The following ERBB4 variants were observed in gnomAD, a reference collection of about 807,000 sequenced individuals.
ERBB4 encodes the protein erb-b2 receptor tyrosine kinase 4.
In ERBB4, 42 loss-of-function variants were observed where a neutral mutation model predicts 158.0. The observed-to-expected ratio is 0.27, with a 90% CI of 0.21 to 0.34. The LOEUF (loss-of-function observed/expected upper bound fraction) is 0.34. ERBB4 is among the 10% of genes least tolerant of loss of function. The pLI, the probability that ERBB4 is intolerant of heterozygous loss-of-function variation, is 1.00. For synonymous variants in ERBB4, 583 were observed against 558.7 expected (o/e 1.04, Z -0.61); for missense variants, 1,333 against 1,624.1 (o/e 0.82, Z 3.08).
chr2:211,615,495 G>C (rs983599131), intron 19 of ERBB4, among the ~76,000 whole-genome samples: 1 of 152,026 alleles, frequency 6.6e-6, no homozygotes, highest in Non-Finnish European at 1.5e-5. Flanking sequence ...CTTTCTTTAT[G>C]GGAATGAAGA....
chr2:212,504,664 G>A (rs1038569096), intron 1 of ERBB4, among the ~76,000 whole-genome samples: 2 of 152,030 alleles, frequency 1.3e-5, no homozygotes, highest in Non-Finnish European at 2.9e-5. Context: ...GAACCATAAC[G>A]TATAGAATGG....
chr2:212,266,238 A>G (rs1341787974), intron 1 of ERBB4, among the ~76,000 whole-genome samples: 1 of 151,942 alleles, frequency 6.6e-6, no homozygotes, highest in Non-Finnish European at 1.5e-5. Context: ...TAGATATTAA[A>G]TAATTTTTTT....
chr2:211,615,446 C>T (rs536932928), intron 19 of ERBB4, among the ~76,000 whole-genome samples: 10 of 151,884 alleles, frequency 6.6e-5, no homozygotes, highest in African/African-American at 2.2e-4. Flanking sequence ...TATGAAGGTG[C>T]GCCTTTAGAG....
At chr2:211,460,929 C>G (rs2064513625) in intron 20 of ERBB4, among the ~76,000 whole-genome samples, 1 of 152,016 alleles carries the variant, frequency 6.6e-6, no homozygotes, top group African/African-American at 2.4e-5. Flanking sequence ...TCTTCCTTAG[C>G]CAGGTATATT....
chr2:211,689,911 C>T (rs918918032), intron 12 of ERBB4, among the ~76,000 whole-genome samples: 2 of 151,480 alleles, frequency 1.3e-5, no homozygotes, highest in African/African-American at 4.8e-5. Context: ...TACGGTGTCA[C>T]GAGTCTCTCC....
intron 1 of ERBB4, among the ~76,000 whole-genome samples, chr2:212,139,562 T>C (rs1250436889): frequency 6.6e-6 from 1 of 151,994 alleles, no homozygotes; most frequent in Non-Finnish European, 1.5e-5. Flanking sequence ...TTTTTTTCCT[T>C]ATATAAGATA....
intron 25 of ERBB4, among the ~76,000 whole-genome samples, chr2:211,417,587 T>C (rs571858380): frequency 1.3e-5 from 2 of 152,356 alleles, no homozygotes; most frequent in Middle Eastern, 3.4e-3. Flanking sequence ...ATCAACTTTC[T>C]GGACAAATAT....
At chr2:211,831,325 T>C (rs940978833) in intron 3 of ERBB4, among the ~76,000 whole-genome samples, 2 of 152,172 alleles carry the variant, frequency 1.3e-5, no homozygotes, top group Non-Finnish European at 2.9e-5. Flanking sequence ...TGAAGGGTCA[T>C]GTTATGTGTG....
chr2:212,456,734 GTTT>G (rs928050142), intron 1 of ERBB4, among the ~76,000 whole-genome samples: 1 of 151,794 alleles, frequency 6.6e-6, no homozygotes, highest in Admixed American at 6.6e-5. Flanking sequence ...AGCAAGAAAT[GTTT>G]TTTATCAATT....
chr2:211,611,261 A>G (rs1002651079), intron 19 of ERBB4, among the ~76,000 whole-genome samples: 6 of 152,002 alleles, frequency 3.9e-5, no homozygotes, highest in Non-Finnish European at 4.4e-5. Context: ...TTTTTAACCA[A>G]TCGGGCCCGC....
chr2:211,851,872 T>G (rs1211686278), intron 3 of ERBB4, among the ~76,000 whole-genome samples: 3 of 151,924 alleles, frequency 2.0e-5, no homozygotes, highest in Non-Finnish European at 4.4e-5. Context: ...AGGCTAAATA[T>G]TCTACATTTT....
At chr2:212,258,437 T>A (rs1249809963) in intron 1 of ERBB4, among the ~76,000 whole-genome samples, 1 of 151,594 alleles carries the variant, frequency 6.6e-6, no homozygotes, top group Non-Finnish European at 1.5e-5. Context: ...GAACTGCGCA[T>A]CAAATGATAA....
At chr2:212,431,321 A>C (rs191380997) in intron 1 of ERBB4, among the ~76,000 whole-genome samples, 3,057 of 148,420 alleles carry the variant, frequency 0.021, 100 homozygotes, top group South Asian at 0.05. Flanking sequence ...AAAAAAAAAA[A>C]AAAAAAAAAC....
chr2:211,962,743 A>T (rs2081212166), intron 2 of ERBB4, among the ~76,000 whole-genome samples: 1 of 152,150 alleles, frequency 6.6e-6, no homozygotes, highest in Non-Finnish European at 1.5e-5. Context: ...GAGGTGGAAT[A>T]CAAAAATACT....
intron 1 of ERBB4, among the ~76,000 whole-genome samples, chr2:212,536,395 C>T (rs1002830131): frequency 6.6e-6 from 1 of 152,172 alleles, no homozygotes; most frequent in African/African-American, 2.4e-5. Flanking sequence ...TGCAATTATA[C>T]CAGGGATGCA....
chr2:212,508,189 T>C (rs955008556), intron 1 of ERBB4, among the ~76,000 whole-genome samples: 2 of 152,228 alleles, frequency 1.3e-5, no homozygotes, highest in Non-Finnish European at 2.9e-5. Context: ...TTGTACACTT[T>C]ACAGATAACA....
intron 1 of ERBB4, among the ~76,000 whole-genome samples, chr2:212,162,638 T>C (rs2081235689): frequency 6.6e-6 from 1 of 151,968 alleles, no homozygotes; most frequent in Admixed American, 6.6e-5. Context: ...TATTTCTACA[T>C]TTCTGATTTC....
At chr2:211,458,223 C>T (rs1389136577) in intron 20 of ERBB4, among the ~76,000 whole-genome samples, 2 of 150,596 alleles carry the variant, frequency 1.3e-5, no homozygotes, top group Non-Finnish European at 3.0e-5. Context: ...GGGAGCTAGC[C>T]TACTGTACAA....
At position 212,231,230 on chromosome 2, in the gene ERBB4, A is replaced by G. The variant is rs547599901; in HGVS notation, c.83-106327T>C. ...TGTTTTGAAGGAACGATTTCACACT[A>G]AGAATGAAGAAAACAAAAATCCAGT... On this transcript the variant is annotated intron_variant, in intron 1 of 27. Transcript: ENST00000342788. Among the ~76,000 whole-genome samples the G allele has an allele frequency of 4.6e-5, 7 of 152,286 alleles. No individual in the cohort carries two copies. In the South Asian group the frequency reaches 1.5e-3, roughly 32 times the overall value.
Sources: allele counts gnomAD v4.1 joint callset (sites outside exome capture counted in the v4.1 genomes callset), GRCh38; gene constraint gnomAD v4.1.1; transcripts MANE v1.5; gene names NCBI Gene and HGNC (gene_info 2026-07-23, HGNC 2026-07-21).